Variants in RGS13 observed in about 807,000 individuals in gnomAD.
RGS13 encodes the protein regulator of G protein signaling 13.
RGS13 carries 14 observed loss-of-function variants against 19.9 expected under a neutral mutation model. That is an observed-to-expected ratio of 0.70 (90% CI 0.46 to 1.10). The LOEUF is 1.10. Ranked by LOEUF, RGS13 falls within the 50% of genes least tolerant of loss-of-function variation. The pLI, the probability that RGS13 is intolerant of heterozygous loss-of-function variation, is 0.00. For missense variants in RGS13, 205 were observed against 187.1 expected (o/e 1.10, Z -0.56); for synonymous variants, 60 against 56.8 (o/e 1.06, Z -0.25).
chr1:192,658,608 C>T (rs1558054252), intron 6 of RGS13: 1 of 368,302 alleles, frequency 2.7e-6, no homozygotes, highest in Non-Finnish European at 4.8e-6. Flanking sequence ...GGCTCCAAAG[C>T]TTCTCCCCAT....
At chr1:192,648,032 A>G (rs370890892) in intron 5 of RGS13, 45 bp downstream of exon 5, 6 of 1,376,762 alleles carry the variant, frequency 4.4e-6, no homozygotes, top group Non-Finnish European at 6.1e-6. Flanking sequence ...AGCGAGTTCC[A>G]TTCTTAGAGG....
rs770461393 is a variant in RGS13, at chr1:192,659,369, T to A, written c.326T>A (p.Ile109Asn). 3 of 1,612,658 alleles carry A rather than the reference T, an allele frequency of 1.9e-6. No homozygotes were observed. The highest frequency in any genetic ancestry group is 2.7e-5 in the African/African-American group (2 of 74,844). ...ATTGACAGTTCGACAAGAGAGACTA[T>A]CATCAGGAACATTCAGGAACCCACT... Reference protein sequence around the residue: ...INIDSSTRETIIRNIQEPTET... With the variant: ...INIDSSTRETNIRNIQEPTET... Residue 109 changes from isoleucine (I) to asparagine (N), a missense_variant, in exon 7 of 7, where the codon ATC becomes AAC. Ile to Asn is a moderately radical substitution (Grantham distance 149). Coordinates refer to ENST00000391995, the MANE Select transcript of RGS13 (RefSeq NM_002927.5).
At chr1:192,636,911 C>A (rs1211735548) in intron 1 of RGS13, among the ~76,000 whole-genome samples, 1 of 151,680 alleles carries the variant, frequency 6.6e-6, no homozygotes, top group African/African-American at 2.4e-5. Context: ...ATAAATTGCT[C>A]CAAATTTTAC....
chr1:192,638,653 G>A (rs1202471782), intron 3 of RGS13, among the ~76,000 whole-genome samples: 1 of 152,028 alleles, frequency 6.6e-6, no homozygotes, highest in Admixed American at 6.6e-5. Flanking sequence ...CTGGAACAGC[G>A]TCCAGTCTCC....
chr1:192,651,359 CA>C (rs1440831484), intron 5 of RGS13, among the ~76,000 whole-genome samples: 4 of 152,060 alleles, frequency 2.6e-5, no homozygotes, highest in Admixed American at 1.3e-4. Context: ...AAGCAATACA[CA>C]GCATAAGGAA....
At chr1:192,647,807 C>T (rs1051702916) in intron 4 of RGS13, 119 bp from the exon 5 acceptor site, 60 of 493,258 alleles carry the variant, frequency 1.2e-4, no homozygotes, top group Non-Finnish European at 1.9e-4. Flanking sequence ...ACCAAAGCCA[C>T]ACACAAATGG....
Position 192,658,075 on chromosome 1 carries a change from G to C in RGS13, c.128-126G>C, listed in dbSNP as rs141487264. The C allele has an allele frequency of 1.7e-3, 1,067 of 643,044 alleles. 11 individuals carry two copies. In the African/African-American group the frequency reaches 0.018, roughly 11 times the overall value. 39.8% of individuals were successfully genotyped at this position (643,044 alleles called of 1,614,324 possible). A position where few individuals can be genotyped will look rare whatever the true frequency, so the allele number is the denominator to read the frequency against. Reference sequence around the variant, plus strand: ...ACATGAAAATTGATATATAGAGATAGATATAAAATATTTACTTGTTAAATA... The same window carrying C: ...ACATGAAAATTGATATATAGAGATACATATAAAATATTTACTTGTTAAATA... On this transcript the variant is annotated intron_variant, in intron 5 of 6. Coordinates refer to ENST00000391995, the MANE Select transcript of RGS13 (RefSeq NM_002927.5).
At chr1:192,654,458 A>AGC (rs1663399755) in intron 5 of RGS13, among the ~76,000 whole-genome samples, 1 of 152,026 alleles carries the variant, frequency 6.6e-6, no homozygotes, top group Admixed American at 6.6e-5. Flanking sequence ...GAAAAATCAG[A>AGC]AATTATTAAC....
At chr1:192,654,126 T>A (rs905954538) in intron 5 of RGS13, among the ~76,000 whole-genome samples, 11 of 151,644 alleles carry the variant, frequency 7.3e-5, no homozygotes, top group South Asian at 2.1e-4. Context: ...ATATATATAT[T>A]TTTGCTATTA....
intron 4 of RGS13, 64 bp downstream of exon 4, chr1:192,644,463 A>C: frequency 4.2e-6 from 5 of 1,181,130 alleles, no homozygotes; most frequent in Non-Finnish European, 6.2e-6. Flanking sequence ...AAATAGGTAC[A>C]TATTTATTAA....
rs369698986 is a variant in RGS13, at chr1:192,644,321, A to G, written c.-4-10A>G. On this transcript the variant is annotated splice_polypyrimidine_tract_variant and intron_variant, in intron 3 of 6. Coordinates refer to ENST00000391995, the MANE Select transcript of RGS13 (RefSeq NM_002927.5). ...ATTAAATTATACAAATATATACTGTATTTCCTTAGAAAAATGAGCAGGCGG... is the reference window on the plus strand; with the variant it reads ...ATTAAATTATACAAATATATACTGTGTTTCCTTAGAAAAATGAGCAGGCGG... 5 of 1,589,026 alleles carry G rather than the reference A, an allele frequency of 3.1e-6. No homozygotes were observed. Among genetic ancestry groups the G allele is most frequent in the Non-Finnish European group, 4.3e-6 (5 of 1,158,746 alleles).
At chr1:192,652,656 T>C (rs922460041) in intron 5 of RGS13, among the ~76,000 whole-genome samples, 3 of 152,002 alleles carry the variant, frequency 2.0e-5, no homozygotes, top group Non-Finnish European at 2.9e-5. Context: ...ATTTCAGATA[T>C]AAACCTGTCG....
chr1:192,658,381 A>T lies in RGS13; in HGVS notation c.294+14A>T. On this transcript the variant is annotated intron_variant, in intron 6 of 6. Coordinates refer to ENST00000391995, the MANE Select transcript of RGS13 (RefSeq NM_002927.5). ...TCCCCTAGAGAGGTAACTACCTGAC[A>T]ATGACAGGAATGGAAATCAGTTCAT... 6.2e-7 allele frequency: 1 copy of T among 1,602,746 alleles called. No individual in the cohort carries two copies.
chr1:192,636,776 A>T lies in RGS13; in HGVS notation c.-116+459A>T, dbSNP rs181562321. 2.6e-4 allele frequency among the ~76,000 whole-genome samples: 40 copies of T among 152,056 alleles called. No individual in the cohort carries two copies. The East Asian group carries it at 5.8e-3, about 22-fold the overall frequency. ...ATAAGGTTTATCTGAAACATTGTTA[A>T]TCTTGATTTTGTAGAATTTTTTTAT... On this transcript the variant is annotated intron_variant, in intron 1 of 6. Transcript: ENST00000391995.
chr1:192,655,564 C>A (rs957396593), intron 5 of RGS13, among the ~76,000 whole-genome samples: 3 of 152,006 alleles, frequency 2.0e-5, no homozygotes, highest in African/African-American at 7.2e-5. Flanking sequence ...GTCCATAGCA[C>A]TTTTGCATGT....
chr1:192,647,762 T>A, intron 4 of RGS13, 164 bp from the exon 5 acceptor site: 1 of 327,566 alleles, frequency 3.1e-6, no homozygotes. Context: ...ATAGTAAAAA[T>A]AAAATGTAAA....
intron 1 of RGS13, among the ~76,000 whole-genome samples, 185 bp from the exon 2 acceptor site, chr1:192,637,405 C>T (rs1663035477): frequency 6.6e-6 from 1 of 151,760 alleles, no homozygotes; most frequent in South Asian, 2.1e-4. Flanking sequence ...GATATTAACA[C>T]AATTTTAGAT....
rs1002501224 is a variant in RGS13, at chr1:192,658,234, T to C, written c.161T>C (p.Met54Thr). 2 of 1,613,264 alleles carry C rather than the reference T, an allele frequency of 1.2e-6. No individual in the cohort carries two copies. Among genetic ancestry groups the C allele is most frequent in the African/African-American group, 1.3e-5 (1 of 74,872 alleles). ...GTAGTCTATGCAGCATATTTAAAAATGGAGCACAGTGACGAGAATATTCAA... is the reference window on the plus strand; with the variant it reads ...GTAGTCTATGCAGCATATTTAAAAACGGAGCACAGTGACGAGAATATTCAA... ...GPVVYAAYLK[M>T]EHSDENIQFW... Residue 54 changes from methionine to threonine, a missense_variant, in exon 6 of 7, where the codon ATG becomes ACG. Coordinates refer to ENST00000391995, the MANE Select transcript of RGS13 (RefSeq NM_002927.5).
intron 4 of RGS13, chr1:192,646,925 C>G (rs1453008946): frequency 6.6e-6 from 1 of 152,072 alleles, no homozygotes; most frequent in African/African-American, 2.4e-5. Flanking sequence ...ATGAAGCTCA[C>G]CAAAATGAAC....
Sources: gnomAD v4.1 joint callset for allele counts (sites outside exome capture counted in the v4.1 genomes callset) on GRCh38, gnomAD v4.1.1 for gene constraint, MANE v1.5 for transcripts, NCBI Gene and HGNC (gene_info 2026-07-23, HGNC 2026-07-21) for gene names.